Variants in TMEM120B observed in about 807,000 individuals in gnomAD.
The protein encoded by TMEM120B is transmembrane protein 120B.
TMEM120B carries 31 observed loss-of-function variants against 55.5 expected under a neutral mutation model. The ratio of observed to expected loss-of-function variants is 0.56; its 90% CI spans 0.42 to 0.75. The LOEUF (loss-of-function observed/expected upper bound fraction) is 0.75, where lower values mean the gene tolerates loss of function less well. Ranked by LOEUF, TMEM120B falls within the 30% of genes least tolerant of loss-of-function variation. The pLI is 0.00. For synonymous variants in TMEM120B, 203 were observed against 176.3 expected, an observed-to-expected ratio of 1.15 and a Z score of -1.20; for missense variants, 399 against 425.5, an observed-to-expected ratio of 0.94 and a Z score of 0.55.
At chr12:121,732,664 G>T (rs1269553093) in intron 1 of TMEM120B, among the ~76,000 whole-genome samples, 1 of 152,122 alleles carries the variant, frequency 6.6e-6, no homozygotes, top group Non-Finnish European at 1.5e-5. Context: ...ACTCTGAAGG[G>T]CAGTTTGCCA....
intron 2 of TMEM120B, among the ~76,000 whole-genome samples, chr12:121,744,588 C>T (rs1410358714): frequency 6.6e-6 from 1 of 152,166 alleles, no homozygotes; most frequent in Non-Finnish European, 1.5e-5. Context: ...GTTCAGTTCC[C>T]AAGGCCTGGA....
chr12:121,759,430 C>T lies in TMEM120B; in HGVS notation c.462-2219C>T, dbSNP rs181674522. On this transcript the variant is annotated intron_variant, in intron 5 of 11. Coordinates refer to ENST00000449592, the MANE Select transcript of TMEM120B (RefSeq NM_001080825.2). ...CGGTGGCTCACGCTTGTAGTCCCAA[C>T]ACTTTGAGAGGCCGAGGCAGGTGGA... is the stretch of plus-strand genomic sequence containing the variant. Among the ~76,000 whole-genome samples, 580 of 152,102 alleles carry T rather than the reference C, an allele frequency of 3.8e-3. 1 individual carries two copies. The highest frequency in any genetic ancestry group is 6.2e-3 in the Non-Finnish European group (420 of 67,986).
chr12:121,729,114 C>T (rs990947559), intron 1 of TMEM120B, among the ~76,000 whole-genome samples: 5 of 152,120 alleles, frequency 3.3e-5, no homozygotes, highest in East Asian at 1.9e-4. Context: ...GGATGGGTAC[C>T]GCAAAAAACT....
rs535954837 is a variant in TMEM120B at position 121,723,260 on chromosome 12, T to C, written c.69+10296T>C. On this transcript the variant is annotated intron_variant, in intron 1 of 11. Transcript: ENST00000449592. Reference sequence around the variant, plus strand: ...ATAGCTCACTGCAGCCTTGAACTCCTAGGCTCAAGCTATCTTCCCACCTCA... The same window carrying C: ...ATAGCTCACTGCAGCCTTGAACTCCCAGGCTCAAGCTATCTTCCCACCTCA... Among the ~76,000 whole-genome samples the C allele has an allele frequency of 5.6e-4, 85 of 152,248 alleles. 1 individual carries two copies. The highest frequency in any genetic ancestry group is 1.9e-3 in the African/African-American group (79 of 41,560).
intron 4 of TMEM120B, among the ~76,000 whole-genome samples, chr12:121,751,362 C>T (rs1338947108): frequency 9.7e-6 from 1 of 103,610 alleles, no homozygotes; most frequent in Admixed American, 9.5e-5. Context: ...CCACCCCACA[C>T]CCACACCCCA....
rs906042558 is a variant in TMEM120B, at chr12:121,776,309, A to G, written c.*587A>G. ...TGGAGCGCTGGGGGCATCCTGAGTC[A>G]GGCTGTGAGAAGATTCGCCACCAGA... On this transcript the variant is annotated 3_prime_UTR_variant, in exon 12 of 12. Coordinates refer to ENST00000449592, the MANE Select transcript of TMEM120B (RefSeq NM_001080825.2). The G allele has an allele frequency of 2.4e-5, 4 of 164,306 alleles. No homozygotes were observed. Among genetic ancestry groups the G allele is most frequent in the Admixed American group, 6.4e-5 (1 of 15,616 alleles). 10.2% of individuals were successfully genotyped at this position (164,306 alleles called of 1,614,324 possible). A position where few individuals can be genotyped will look rare whatever the true frequency, so the allele number is the denominator to read the frequency against.
Position 121,759,006 on chromosome 12 carries a change from T to C in TMEM120B, c.462-2643T>C, listed in dbSNP as rs1873579988. 6 of 985,454 alleles carry C rather than the reference T, an allele frequency of 6.1e-6. No individual in the cohort carries two copies. In the South Asian group the frequency reaches 1.9e-4, roughly 31 times the overall value. The allele number at this position is 985,454 out of a possible 1,614,324, so 61.0% of individuals were successfully genotyped here. A position where few individuals can be genotyped will look rare whatever the true frequency, so the allele number is the denominator to read the frequency against. ...TCTTCAGTTAGTGTTACAGACAATATGGCCCACTGGGATTTTTTTATATAT... is the reference window on the plus strand; with the variant it reads ...TCTTCAGTTAGTGTTACAGACAATACGGCCCACTGGGATTTTTTTATATAT... On this transcript the variant is annotated intron_variant, in intron 5 of 11. Coordinates refer to ENST00000449592, the MANE Select transcript of TMEM120B (RefSeq NM_001080825.2).
chr12:121,714,081 C>T (rs1445066716), intron 1 of TMEM120B, among the ~76,000 whole-genome samples: 7 of 152,044 alleles, frequency 4.6e-5, no homozygotes, highest in Non-Finnish European at 8.8e-5. Flanking sequence ...AGAGCCGGGG[C>T]AGGAATGGGG....
In TMEM120B at chr12:121,713,004, C is replaced by A. The variant is rs202103509; in HGVS notation, c.69+40C>A. On this transcript the variant is annotated intron_variant, in intron 1 of 11. Transcript: ENST00000449592. ...CCTGGTCCCGCAACTCTGCTGCCCG[C>A]GGTGCAGCGCCTTGCCCTTCCTGAG... 80 of 1,468,916 alleles carry A rather than the reference C, an allele frequency of 5.4e-5. No individual in the cohort carries two copies. The African/African-American group carries it at 7.8e-4, about 14-fold the overall frequency. The allele number at this position is 1,468,916 out of a possible 1,614,324, so 91.0% of individuals were successfully genotyped here.
In TMEM120B at chr12:121,781,099, T is replaced by G. The variant is rs755379087; in HGVS notation, c.*5377T>G. On this transcript the variant is annotated 3_prime_UTR_variant, in exon 12 of 12. Transcript: ENST00000449592. ...CGGCCTCACCTTGATGAGGACGTTG[T>G]CGTAGCTGGTGGGATTCATGACGTC... 1.2e-6 allele frequency: 2 copies of G among 1,614,188 alleles called. No individual in the cohort carries two copies. The highest frequency in any genetic ancestry group is 3.3e-5 in the Admixed American group (2 of 60,024).
At position 121,775,548 on chromosome 12, in the gene TMEM120B, G is replaced by GGGGGCAGGGGTTCAGC. The variant is rs1457026224; in HGVS notation, c.907-60_907-45dup. On this transcript the variant is annotated intron_variant, in intron 11 of 11. Coordinates refer to ENST00000449592, the MANE Select transcript of TMEM120B (RefSeq NM_001080825.2). The surrounding 1 kb of genome is among the most constrained non-coding windows in gnomAD (Gnocchi z 4.3). ...GCTGTGCTGGAGATTCTGGGGTGCT[G>GGGGGCAGGGGTTCAGC]GGGGCAGGGGTTCAGCAGGGCAGAT... The GGGGGCAGGGGTTCAGC allele has an allele frequency of 6.4e-7, 1 of 1,558,390 alleles. No homozygotes were observed. Among genetic ancestry groups the GGGGGCAGGGGTTCAGC allele is most frequent in the African/African-American group, 1.4e-5 (1 of 73,448 alleles).
At position 121,722,001 on chromosome 12, in the gene TMEM120B, C is replaced by G. The variant is rs141853918; in HGVS notation, c.69+9037C>G. 3.2e-3 allele frequency among the ~76,000 whole-genome samples: 481 copies of G among 150,736 alleles called. 10 individuals carry two copies. In the East Asian group the frequency reaches 0.063, roughly 20 times the overall value. On this transcript the variant is annotated intron_variant, in intron 1 of 11. Coordinates refer to ENST00000449592, the MANE Select transcript of TMEM120B (RefSeq NM_001080825.2). ...TTTTTGTATTTTTAGTAGAGTTTCA[C>G]CATGTTGGCCAGGATGGTCTCGATC... is the stretch of plus-strand genomic sequence containing the variant.
intron 6 of TMEM120B, among the ~76,000 whole-genome samples, chr12:121,767,517 G>A (rs1873888478): frequency 6.6e-6 from 1 of 152,200 alleles, no homozygotes; most frequent in African/African-American, 2.4e-5. Context: ...CTGCAAATGG[G>A]TGTAGGTTTC....
At chr12:121,764,073 A>G (rs1364587133) in intron 6 of TMEM120B, among the ~76,000 whole-genome samples, 1 of 151,898 alleles carries the variant, frequency 6.6e-6, no homozygotes, top group East Asian at 1.9e-4. Flanking sequence ...CTGTAATCCC[A>G]GCATTTTGGG....
Position 121,775,531 on chromosome 12 carries a change from G to A in TMEM120B, c.907-78G>A, listed in dbSNP as rs999199771. 5 of 1,531,484 alleles carry A rather than the reference G, an allele frequency of 3.3e-6. No individual in the cohort carries two copies. In the African/African-American group the frequency reaches 5.5e-5, roughly 17 times the overall value. The allele number at this position is 1,531,484 out of a possible 1,614,324, so 94.9% of individuals were successfully genotyped here. On this transcript the variant is annotated intron_variant, in intron 11 of 11. Transcript: ENST00000449592. This position sits in a 1 kb window ranked among gnomAD's most constrained non-coding sequence, Gnocchi z 4.3. ...TTGGGAGTTTGGGGGCAGCTGTGCT[G>A]GAGATTCTGGGGTGCTGGGGGCAGG...
At chr12:121,769,553 A>T (rs76135153) in intron 6 of TMEM120B, among the ~76,000 whole-genome samples, 1,806 of 151,260 alleles carry the variant, frequency 0.012, 14 homozygotes, top group African/African-American at 0.02. Context: ...AAAAAAAAAA[A>T]TTTAGCTGGG....
intron 1 of TMEM120B, among the ~76,000 whole-genome samples, chr12:121,726,907 CAAAAA>C (rs71305665): frequency 1.4e-4 from 10 of 73,716 alleles, no homozygotes; most frequent in African/African-American, 4.0e-4. Flanking sequence ...GACTCTGTCT[CAAAAA>C]AAAAAAAAAA....
At chr12:121,774,631 G>GT (rs1167326622) in intron 9 of TMEM120B, 27 bp from the exon 10 acceptor site, 2 of 1,612,488 alleles carry the variant, frequency 1.2e-6, no homozygotes, top group South Asian at 1.1e-5. Context: ...CCCTCAGCGG[G>GT]TCCTTTTTCT....
chr12:121,773,131 T>C (rs748501026), intron 8 of TMEM120B, among the ~76,000 whole-genome samples: 2 of 152,222 alleles, frequency 1.3e-5, no homozygotes, highest in Non-Finnish European at 2.9e-5. Context: ...CAAGCATCTA[T>C]TGAGTGTCTA....
Sources: gnomAD v4.1 joint callset for allele counts (sites outside exome capture counted in the v4.1 genomes callset) on GRCh38, gnomAD v4.1.1 for gene constraint, Gnocchi (gnomAD v3.1) non-coding constraint, MANE v1.5 for transcripts, NCBI Gene and HGNC (gene_info 2026-07-23, HGNC 2026-07-21) for gene names.